Variants in TCF12 observed in about 807,000 individuals in gnomAD.
TCF12 encodes DNA-binding protein HTF4.
Under a neutral mutation model 86.0 loss-of-function variants are expected in TCF12, and 45 were observed. That is an observed-to-expected ratio of 0.52 (90% CI 0.41 to 0.67). TCF12 has a LOEUF of 0.67. Ranked by LOEUF, TCF12 falls within the 30% of genes least tolerant of loss-of-function variation. TCF12 has a pLI of 0.00. For missense variants in TCF12, 881 were observed against 859.9 expected (o/e 1.02, Z -0.31); for synonymous variants, 330 against 299.6 (o/e 1.10, Z -1.05).
At chr15:57,103,165 A>G (rs1051445586) in intron 5 of TCF12, among the ~76,000 whole-genome samples, 3 of 152,242 alleles carry the variant, frequency 2.0e-5, no homozygotes, top group Admixed American at 6.5e-5. Context: ...ACTGCCCAAC[A>G]TATGAGAATC....
At chr15:57,028,793 A>T (rs2065971847) in intron 3 of TCF12, among the ~76,000 whole-genome samples, 1 of 151,770 alleles carries the variant, frequency 6.6e-6, no homozygotes, top group South Asian at 2.1e-4. Context: ...TAGATTTTAT[A>T]TGTAGTCCTT....
At position 57,279,956 on chromosome 15, in the gene TCF12, C is replaced by T. The variant is rs1173025274; in HGVS notation, c.1979-2489C>T. Among the ~76,000 whole-genome samples, 4 of 141,808 alleles carry T rather than the reference C, an allele frequency of 2.8e-5. No individual in the cohort carries two copies. In the East Asian group the frequency reaches 6.5e-4, roughly 23 times the overall value. The allele number at this position is 141,808 out of a possible 152,430, so 93.0% of individuals were successfully genotyped here. Reference sequence around the variant, plus strand: ...TCGCCCAGGCTGGAGTGCAGTGGCGCGATTTCGGCTCACTGCAGACTCCGT... The same window carrying T: ...TCGCCCAGGCTGGAGTGCAGTGGCGTGATTTCGGCTCACTGCAGACTCCGT... On this transcript the variant is annotated intron_variant, in intron 19 of 20. Transcript: ENST00000333725.
chr15:57,007,818 CTTT>C (rs1491058423), intron 3 of TCF12, among the ~76,000 whole-genome samples: 2 of 128,908 alleles, frequency 1.6e-5, no homozygotes, highest in African/African-American at 5.9e-5. Context: ...TTCTTTCTTT[CTTT>C]TTCTTTCTTT....
chr15:56,949,522 A>G (rs1302841216), intron 3 of TCF12, among the ~76,000 whole-genome samples: 1 of 152,246 alleles, frequency 6.6e-6, no homozygotes, highest in Non-Finnish European at 1.5e-5. Context: ...TAGTTTTCTT[A>G]TATACATGTA....
intron 5 of TCF12, among the ~76,000 whole-genome samples, chr15:57,163,426 G>A (rs1433640040): frequency 1.3e-5 from 2 of 152,132 alleles, no homozygotes; most frequent in African/African-American, 4.8e-5. Flanking sequence ...CTAGGCCACC[G>A]TGGTAGCTCA....
chr15:57,201,013 G>A (rs1320866298), intron 8 of TCF12, among the ~76,000 whole-genome samples: 3 of 152,122 alleles, frequency 2.0e-5, no homozygotes, highest in Middle Eastern at 6.8e-3. Context: ...ACATACTTAC[G>A]GTTTTAAAAC....
intron 3 of TCF12, among the ~76,000 whole-genome samples, chr15:56,983,245 T>C (rs2062982936): frequency 6.6e-6 from 1 of 152,160 alleles, no homozygotes; most frequent in South Asian, 2.1e-4. Context: ...AAGCCTCTCT[T>C]GGCAAAAGAG....
chr15:56,920,396 A>T (rs1377462904), intron 2 of TCF12, among the ~76,000 whole-genome samples: 1 of 152,018 alleles, frequency 6.6e-6, no homozygotes, highest in African/African-American at 2.4e-5. Context: ...AGTTTATGGT[A>T]CCTGAAAGAT....
At chr15:57,203,522 C>G (rs1471074276) in intron 8 of TCF12, among the ~76,000 whole-genome samples, 1 of 152,096 alleles carries the variant, frequency 6.6e-6, no homozygotes. Flanking sequence ...AAGTTGTATT[C>G]TTGTTCTATG....
intron 18 of TCF12, among the ~76,000 whole-genome samples, chr15:57,264,564 C>CT (rs1473844542): frequency 3.6e-4 from 54 of 152,040 alleles, no homozygotes; most frequent in African/African-American, 1.3e-3. Flanking sequence ...ACTTTTCAAA[C>CT]TTTTTTGTTA....
At chr15:56,943,781 A>C (rs1173601906) in intron 3 of TCF12, among the ~76,000 whole-genome samples, 1 of 152,176 alleles carries the variant, frequency 6.6e-6, no homozygotes. Flanking sequence ...AATGTATTTG[A>C]TGGTGGGATT....
At chr15:57,122,133 A>G (rs557475785) in intron 5 of TCF12, among the ~76,000 whole-genome samples, 2 of 146,916 alleles carry the variant, frequency 1.4e-5, no homozygotes, top group East Asian at 2.0e-4. Flanking sequence ...AAACCTGCCC[A>G]TGCTTCATAG....
At chr15:57,099,502 A>G (rs1419826781) in intron 5 of TCF12, among the ~76,000 whole-genome samples, 1 of 152,154 alleles carries the variant, frequency 6.6e-6, no homozygotes, top group Non-Finnish European at 1.5e-5. Context: ...TATAATATTA[A>G]AAAGTGAACT....
intron 3 of TCF12, among the ~76,000 whole-genome samples, chr15:57,013,268 T>G (rs1484477523): frequency 6.6e-6 from 1 of 152,196 alleles, no homozygotes; most frequent in Admixed American, 6.5e-5. Context: ...AAATAGAATT[T>G]TGCAGTAAGA....
rs2064885767 is a variant in TCF12, at chr15:57,012,403, T to G, written c.149-51347T>G. ...CTGTTAGAGAAGTAGTGGTAGCTTTTTCATTCTTCCGTATTGTTTCTTCAC... is the reference window on the plus strand; with the variant it reads ...CTGTTAGAGAAGTAGTGGTAGCTTTGTCATTCTTCCGTATTGTTTCTTCAC... On this transcript the variant is annotated intron_variant, in intron 3 of 20. Coordinates refer to ENST00000333725, the MANE Select transcript of TCF12 (RefSeq NM_207037.2). 2.6e-5 allele frequency among the ~76,000 whole-genome samples: 4 copies of G among 152,230 alleles called. No homozygotes were observed. In the South Asian group the frequency reaches 8.3e-4, roughly 31 times the overall value.
At chr15:57,091,009 A>T (rs573485812) in intron 4 of TCF12, among the ~76,000 whole-genome samples, 99 of 152,320 alleles carry the variant, frequency 6.5e-4, no homozygotes, top group African/African-American at 2.3e-3. Flanking sequence ...TTAAAAAAAT[A>T]TGTTTTAAAC....
intron 8 of TCF12, among the ~76,000 whole-genome samples, chr15:57,198,181 A>G (rs1285085486): frequency 6.6e-6 from 1 of 152,212 alleles, no homozygotes; most frequent in Non-Finnish European, 1.5e-5. Context: ...AGAGATTAAT[A>G]GCTGAAAATC....
chr15:57,259,714 G>C (rs1545728), intron 16 of TCF12, among the ~76,000 whole-genome samples: 2 of 152,132 alleles, frequency 1.3e-5, no homozygotes, highest in East Asian at 1.9e-4. Context: ...CCCTAACAGC[G>C]GCAGCCTGTC....
chr15:57,109,069 C>T (rs1169387967), intron 5 of TCF12, among the ~76,000 whole-genome samples: 1 of 151,864 alleles, frequency 6.6e-6, no homozygotes, highest in Non-Finnish European at 1.5e-5. Flanking sequence ...AAAAATAAAC[C>T]ACCTCTTGCT....
Sources: gnomAD v4.1 joint callset for allele counts (sites outside exome capture counted in the v4.1 genomes callset) on GRCh38, gnomAD v4.1.1 for gene constraint, MANE v1.5 for transcripts, NCBI Gene and HGNC (gene_info 2026-07-23, HGNC 2026-07-21) for gene names.